The following TENM2 variants were observed in gnomAD, a reference collection of about 807,000 sequenced individuals.
The protein encoded by TENM2 is teneurin transmembrane protein 2.
In TENM2, 52 loss-of-function variants were observed where a neutral mutation model predicts 245.2. The ratio of observed to expected loss-of-function variants is 0.21; its 90% CI spans 0.17 to 0.27. TENM2 has a LOEUF of 0.27. TENM2 is among the 10% of genes least tolerant of loss of function. The probability of loss-of-function intolerance (pLI) is 1.00; values close to 1 mark genes in which losing one functional copy is unlikely to be tolerated. For synonymous variants in TENM2, 1,363 were observed against 1,438.9 expected (o/e 0.95, Z 1.19); for missense variants, 3,046 against 3,666.8 (o/e 0.83, Z 4.37).
intron 1 of TENM2, among the ~76,000 whole-genome samples, chr5:167,315,300 T>C (rs891461718): frequency 4.6e-5 from 7 of 152,110 alleles, no homozygotes. Flanking sequence ...GCAAAATTAG[T>C]AGGTAAGGTG....
chr5:167,780,447 G>A (rs1387726016), intron 2 of TENM2, among the ~76,000 whole-genome samples: 5 of 152,036 alleles, frequency 3.3e-5, no homozygotes, highest in Admixed American at 6.5e-5. Context: ...GTCCTTTCAC[G>A]GCCTATTTAG....
chr5:168,227,849 C>T (rs772465928), intron 24 of TENM2, 46 bp from the exon 27 acceptor site: 23 of 1,240,974 alleles, frequency 1.9e-5, no homozygotes, highest in South Asian at 4.3e-5. Context: ...ACTAATAGAG[C>T]GGATAATTTA....
intron 3 of TENM2, among the ~76,000 whole-genome samples, chr5:167,911,949 A>G (rs927237463): frequency 2.0e-5 from 3 of 152,236 alleles, no homozygotes; most frequent in African/African-American, 4.8e-5. Context: ...CCATAATGTT[A>G]TGGAATAGCT....
intron 27 of TENM2, among the ~76,000 whole-genome samples, chr5:168,250,110 GGATGGATGGA>G (rs1766973924): frequency 3.2e-4 from 3 of 9,492 alleles, no homozygotes; most frequent in East Asian, 9.9e-4. Flanking sequence ...ATGAGTGGAT[GGATGGATGGA>G]TGGATGGATG....
chr5:167,293,363 G>A (rs925135480), intron 1 of TENM2, among the ~76,000 whole-genome samples: 5 of 145,394 alleles, frequency 3.4e-5, no homozygotes, highest in Non-Finnish European at 5.9e-5. Context: ...CACCATGTCC[G>A]GCTAATTTTT....
At chr5:167,589,807 G>A (rs910918898) in intron 2 of TENM2, among the ~76,000 whole-genome samples, 5 of 151,760 alleles carry the variant, frequency 3.3e-5, no homozygotes, top group African/African-American at 1.2e-4. Flanking sequence ...TTCTATCAAT[G>A]TGTATGCCTT....
chr5:168,117,858 C>T (rs919250268), intron 9 of TENM2, among the ~76,000 whole-genome samples: 7 of 152,160 alleles, frequency 4.6e-5, no homozygotes, highest in African/African-American at 1.7e-4. Context: ...ACCATAAGGA[C>T]GTCAGTGTCG....
chr5:167,844,416 A>G (rs1018037426), intron 2 of TENM2, among the ~76,000 whole-genome samples: 1 of 152,220 alleles, frequency 6.6e-6, no homozygotes, highest in Non-Finnish European at 1.5e-5. Context: ...ACAGCTCTTG[A>G]GATGGGAAAA....
At chr5:167,883,006 T>G (rs1475004587) in intron 3 of TENM2, among the ~76,000 whole-genome samples, 1 of 152,232 alleles carries the variant, frequency 6.6e-6, no homozygotes, top group Non-Finnish European at 1.5e-5. Flanking sequence ...CTCCTCTGTA[T>G]AGTGTGGATT....
At chr5:166,985,372 C>A in the TENM2 span, among the ~76,000 whole-genome samples, 2 of 152,222 alleles carry the variant, frequency 1.3e-5, no homozygotes, top group African/African-American at 4.8e-5. Context: ...TAGTTGGCCA[C>A]CATTTTCCTA....
At chr5:167,800,773 G>A (rs1765651307) in intron 2 of TENM2, among the ~76,000 whole-genome samples, 2 of 152,012 alleles carry the variant, frequency 1.3e-5, no homozygotes, top group Non-Finnish European at 2.9e-5. Context: ...TACCCTATTT[G>A]AATCTCCAGT....
At chr5:167,113,853 A>C in the TENM2 span, among the ~76,000 whole-genome samples, 1 of 152,214 alleles carries the variant, frequency 6.6e-6, no homozygotes, top group Non-Finnish European at 1.5e-5. Flanking sequence ...GTCCTAGAAG[A>C]CGAGGAATGA....
At chr5:168,114,588 A>T (rs1794918224) in intron 9 of TENM2, among the ~76,000 whole-genome samples, 1 of 152,176 alleles carries the variant, frequency 6.6e-6, no homozygotes, top group South Asian at 2.1e-4. Flanking sequence ...CCAATGCAGG[A>T]CACCCCAGCC....
chr5:168,231,755 TACAACAACAAACA>T (rs1241435219), intron 25 of TENM2, among the ~76,000 whole-genome samples: 51 of 148,626 alleles, frequency 3.4e-4, no homozygotes, highest in African/African-American at 1.2e-3. Flanking sequence ...ACCCTGTCTC[TACAACAACAAACA>T]ACAACAACAA....
At chr5:167,757,533 A>C (rs574939190) in intron 2 of TENM2, among the ~76,000 whole-genome samples, 4 of 152,184 alleles carry the variant, frequency 2.6e-5, no homozygotes, top group Non-Finnish European at 4.4e-5. Flanking sequence ...GCTATTGTGA[A>C]TAGTGCTGCA....
intron 2 of TENM2, among the ~76,000 whole-genome samples, chr5:167,670,485 CT>C (rs1582705730): frequency 7.2e-6 from 1 of 139,432 alleles, no homozygotes; most frequent in Non-Finnish European, 1.5e-5. Flanking sequence ...TTCTCTCCCC[CT>C]CTCTCTCATC....
At chr5:167,890,386 A>G (rs1162729374) in intron 3 of TENM2, among the ~76,000 whole-genome samples, 1 of 152,170 alleles carries the variant, frequency 6.6e-6, no homozygotes, top group Non-Finnish European at 1.5e-5. Context: ...AATAATAATC[A>G]TCATCACTTA....
intron 5 of TENM2, among the ~76,000 whole-genome samples, chr5:168,018,296 G>C (rs1371844402): frequency 6.6e-6 from 1 of 151,366 alleles, no homozygotes; most frequent in Non-Finnish European, 1.5e-5. Context: ...TTTGTGAATG[G>C]AGATAATTTG....
intron 5 of TENM2, among the ~76,000 whole-genome samples, chr5:167,996,506 G>T (rs562973471): frequency 1.1e-4 from 16 of 152,238 alleles, no homozygotes; most frequent in Non-Finnish European, 2.4e-4. Context: ...TTCCTCTCAG[G>T]AAGGTGTCTT....
Sources: gnomAD v4.1 joint callset for allele counts (sites outside exome capture counted in the v4.1 genomes callset) on GRCh38, gnomAD v4.1.1 for gene constraint, MANE v1.5 for transcripts, NCBI Gene and HGNC (gene_info 2026-07-23, HGNC 2026-07-21) for gene names.